Variants in TOP2A observed in about 807,000 individuals in gnomAD.
TOP2A encodes the protein DNA topoisomerase 2-alpha.
A neutral mutation model predicts 187.2 loss-of-function variants in TOP2A; 68 were observed. The observed-to-expected ratio is 0.36, with a 90% CI of 0.30 to 0.44. The LOEUF (loss-of-function observed/expected upper bound fraction) is 0.44, where lower values mean the gene tolerates loss of function less well. Ranked by LOEUF, TOP2A falls within the 20% of genes least tolerant of loss-of-function variation. TOP2A has a pLI of 1.00. For synonymous variants in TOP2A, 542 were observed against 593.2 expected (o/e 0.91, Z 1.25); for missense variants, 1,196 against 1,808.7 (o/e 0.66, Z 6.14).
chr17:40,403,115 T>TAACCTCACA, intron 19 of TOP2A, 61 bp from the exon 20 acceptor site: 1 of 1,455,106 alleles, frequency 6.9e-7, no homozygotes, highest in African/African-American at 1.4e-5. Flanking sequence ...CATTATGACT[T>TAACCTCACA]AACCTCACTA....
chr17:40,398,555 T>C lies in TOP2A; in HGVS notation c.3537+3A>G. 6.4e-7 allele frequency: 1 copy of C among 1,567,934 alleles called. No individual in the cohort carries two copies. The highest frequency in any genetic ancestry group is 8.7e-7 in the Non-Finnish European group (1 of 1,155,082). On this transcript the variant is annotated splice_donor_region_variant and intron_variant, in intron 27 of 34. Coordinates refer to ENST00000423485, the MANE Select transcript of TOP2A (RefSeq NM_001067.4). ...TCTAACATGGGCATTATAAACTACA[T>C]ACCTCCAATTCTTCAATAAATGTAG...
intron 4 of TOP2A, 78 bp from the exon 5 acceptor site, chr17:40,413,703 T>A: frequency 1.3e-6 from 1 of 752,286 alleles, no homozygotes; most frequent in Admixed American, 3.6e-5. Flanking sequence ...TTAAATACTA[T>A]TATTTCTAAA....
intron 19 of TOP2A, among the ~76,000 whole-genome samples, chr17:40,403,946 G>A (rs921461663): frequency 6.6e-6 from 1 of 152,192 alleles, no homozygotes; most frequent in African/African-American, 2.4e-5. Flanking sequence ...ATTTTTTAAT[G>A]TAGACCTTTG....
At chr17:40,410,557 T>C (rs901386529) in intron 10 of TOP2A, 1 of 445,330 alleles carries the variant, frequency 2.2e-6, no homozygotes, top group Non-Finnish European at 4.5e-6. Context: ...TTAACCAGTA[T>C]GAAGGTTAAG....
intron 27 of TOP2A, 63 bp from the exon 28 acceptor site, chr17:40,396,528 C>A: frequency 1.3e-6 from 2 of 1,560,142 alleles, no homozygotes; most frequent in Non-Finnish European, 1.7e-6. Flanking sequence ...TATCTAAACA[C>A]CCAACAGTTA....
At position 40,411,840 on chromosome 17, in the gene TOP2A, C is replaced by T; in HGVS notation, c.790-22G>A. On this transcript the variant is annotated intron_variant, in intron 7 of 34. Coordinates refer to ENST00000423485, the MANE Select transcript of TOP2A (RefSeq NM_001067.4). This position sits in a 1 kb window ranked among gnomAD's most constrained non-coding sequence, Gnocchi z 4.4. ...TTACCTGTACAGGAATTAAAGGTAA[C>T]AGTATTAAGAAAGTTATTAAAAAAT... 1.3e-6 allele frequency: 2 copies of T among 1,549,506 alleles called. No individual in the cohort carries two copies. Among genetic ancestry groups the T allele is most frequent in the South Asian group, 2.5e-5 (2 of 80,180 alleles).
At position 40,399,850 on chromosome 17, in the gene TOP2A, A is replaced by C. The variant is rs752138462; in HGVS notation, c.3196+22T>G. 5.1e-6 allele frequency: 8 copies of C among 1,563,644 alleles called. No individual in the cohort carries two copies. In the East Asian group the frequency reaches 1.8e-4, roughly 35 times the overall value. On this transcript the variant is annotated intron_variant, in intron 24 of 34. Coordinates refer to ENST00000423485, the MANE Select transcript of TOP2A (RefSeq NM_001067.4). ...TGGCGTAACTAGAGTTTTAGTAAGC[A>C]GTTATTATTCCCAAAACATACCAAT...
intron 4 of TOP2A, 49 bp downstream of exon 4, chr17:40,415,956 G>A: frequency 7.7e-7 from 1 of 1,290,994 alleles, no homozygotes; most frequent in Non-Finnish European, 1.1e-6. Flanking sequence ...AATACATGCA[G>A]CTAACAATAG....
chr17:40,396,436 T>C lies in TOP2A; in HGVS notation c.3567A>G (p.Glu1189=). 6.2e-7 allele frequency: 1 copy of C among 1,613,908 alleles called. No individual in the cohort carries two copies. Among genetic ancestry groups the C allele is most frequent in the Non-Finnish European group, 8.5e-7 (1 of 1,179,826 alleles). The change falls in exon 28 of 35, where the codon GAA becomes GAG. Residue 1189 remains glutamate, a synonymous_variant. Transcript: ENST00000423485. ...EAVEAKEKQD[E]QVGLPGKGGK... is the part of the protein sequence containing the mutation. The stretch of plus-strand genomic sequence containing the variant: ...CCCCTTTCCCAGGAAGTCCGACTTG[T>C]TCATCTTGTTTTTCCTTGGCTTCAA...
chr17:40,415,040 A>C (rs2035372930), intron 4 of TOP2A, among the ~76,000 whole-genome samples: 1 of 151,878 alleles, frequency 6.6e-6, no homozygotes, highest in East Asian at 1.9e-4. Flanking sequence ...AAAAAAAACT[A>C]ATTAAAATTA....
chr17:40,413,738 G>A, intron 4 of TOP2A, 113 bp from the exon 5 acceptor site: 1 of 537,270 alleles, frequency 1.9e-6, no homozygotes, highest in Non-Finnish European at 3.0e-6. Context: ...GCTGGGCGCG[G>A]TGGCCTGTGC....
chr17:40,402,903 T>A lies in TOP2A; in HGVS notation c.2432+3A>T. ...AGTCACTAGAAAGTGAAAGCATACCTACCTGAGCATTGTAAAGATGTATCG... is the reference window on the plus strand; with the variant it reads ...AGTCACTAGAAAGTGAAAGCATACCAACCTGAGCATTGTAAAGATGTATCG... On this transcript the variant is annotated splice_donor_region_variant and intron_variant, in intron 20 of 34. Transcript: ENST00000423485. 1 of 1,601,262 alleles carries A rather than the reference T, an allele frequency of 6.2e-7. No individual in the cohort carries two copies. Among genetic ancestry groups the A allele is most frequent in the Non-Finnish European group, 8.5e-7 (1 of 1,172,808 alleles).
intron 34 of TOP2A, 124 bp from the exon 35 acceptor site, chr17:40,389,771 A>C: frequency 7.4e-7 from 1 of 1,347,344 alleles, no homozygotes; most frequent in Non-Finnish European, 1.0e-6. Flanking sequence ...AATAAGAAGC[A>C]GATCTAAGGC....
At chr17:40,409,084 C>T (rs1372829441) in intron 10 of TOP2A, 2 of 335,592 alleles carry the variant, frequency 6.0e-6, no homozygotes, top group Admixed American at 4.2e-5. Flanking sequence ...ATTCCAGCTA[C>T]TCGGGAGGCT....
At chr17:40,403,897 A>C (rs2035210464) in intron 19 of TOP2A, among the ~76,000 whole-genome samples, 1 of 152,206 alleles carries the variant, frequency 6.6e-6, no homozygotes. Context: ...GTGGAGGTCT[A>C]AATTTTGACA....
intron 29 of TOP2A, among the ~76,000 whole-genome samples, chr17:40,393,539 C>T (rs2035053012): frequency 6.6e-6 from 1 of 152,048 alleles, no homozygotes. Context: ...ATAGCTCAAT[C>T]AGTGGAACAG....
In TOP2A at chr17:40,396,372, A is replaced by G; in HGVS notation, c.3631T>C (p.Leu1211=). The change falls in exon 28 of 35, where the codon TTG becomes CTG. Residue 1211 remains leucine, a synonymous_variant. Transcript: ENST00000423485. The stretch of plus-strand genomic sequence containing the variant: ...ACTCTTTGACCACGCGGAGAAGGCA[A>G]AACTTCAGCCATTTGTGTTTTTTTC... ...KGKKTQMAEV[L]PSPRGQRVIP... is the part of the protein sequence containing the mutation. The G allele has an allele frequency of 6.2e-7, 1 of 1,613,992 alleles. No individual in the cohort carries two copies. The highest frequency in any genetic ancestry group is 8.5e-7 in the Non-Finnish European group (1 of 1,179,888).
intron 11 of TOP2A, 71 bp downstream of exon 11, chr17:40,408,421 G>C: frequency 7.1e-7 from 1 of 1,417,230 alleles, no homozygotes; most frequent in Non-Finnish European, 9.6e-7. Context: ...ATAAATATCC[G>C]TGGTATGCCA....
At position 40,403,058 on chromosome 17, in the gene TOP2A, T is replaced by TG; in HGVS notation, c.2284-5dup. On this transcript the variant is annotated splice_region_variant and splice_polypyrimidine_tract_variant and intron_variant, in intron 19 of 34. Transcript: ENST00000423485. ...TAATGGTCATCATTAGTGACATCTG[T>TG]GGGGAAAAAAAGATTCATTAAGCTG... 3.1e-6 allele frequency: 5 copies of TG among 1,589,884 alleles called. No homozygotes were observed. The highest frequency in any genetic ancestry group is 4.3e-6 in the Non-Finnish European group (5 of 1,166,926).
Sources: gnomAD v4.1 joint callset for allele counts (sites outside exome capture counted in the v4.1 genomes callset) on GRCh38, gnomAD v4.1.1 for gene constraint, Gnocchi (gnomAD v3.1) non-coding constraint, MANE v1.5 for transcripts, NCBI Gene and HGNC (gene_info 2026-07-23, HGNC 2026-07-21) for gene names.